Variants in RARB observed in about 807,000 individuals in gnomAD.
The protein encoded by RARB is retinoic acid receptor beta.
In RARB, 17 loss-of-function variants were observed where a neutral mutation model predicts 51.9. That is an observed-to-expected ratio of 0.33 (90% CI 0.22 to 0.49). The LOEUF is 0.49. Among genes scored for constraint, RARB ranks in the 20% least tolerant of loss-of-function variants. RARB has a pLI of 0.99. For missense variants in RARB, 369 were observed against 550.8 expected, an observed-to-expected ratio of 0.67 and a Z score of 3.30; for synonymous variants, 215 against 195.4, an observed-to-expected ratio of 1.10 and a Z score of -0.84.
intron 2 of RARB, among the ~76,000 whole-genome samples, chr3:24,997,019 C>G (rs1218028359): frequency 6.6e-6 from 1 of 151,892 alleles, no homozygotes; most frequent in Non-Finnish European, 1.5e-5. Flanking sequence ...TGTTGTTTTT[C>G]TATCTACACG....
chr3:25,009,152 G>C (rs1162357762), intron 2 of RARB, among the ~76,000 whole-genome samples: 2 of 152,046 alleles, frequency 1.3e-5, no homozygotes, highest in African/African-American at 4.8e-5. Context: ...CCTTGAGCAA[G>C]TCACTTAATT....
At chr3:25,102,133 C>G (rs1699412771) in intron 3 of RARB, among the ~76,000 whole-genome samples, 1 of 152,164 alleles carries the variant, frequency 6.6e-6, no homozygotes, top group Non-Finnish European at 1.5e-5. Flanking sequence ...TGGGCCAGAG[C>G]TCCCTAAGCA....
At chr3:24,832,397 GA>G (rs35592907) in intron 1 of RARB, among the ~76,000 whole-genome samples, 51 of 151,658 alleles carry the variant, frequency 3.4e-4, no homozygotes, top group Non-Finnish European at 5.3e-4. Flanking sequence ...CAAGTACAGA[GA>G]AAAAAAATTT....
intron 5 of RARB, among the ~76,000 whole-genome samples, chr3:25,327,207 C>T (rs1470376974): frequency 6.6e-6 from 1 of 151,672 alleles, no homozygotes; most frequent in South Asian, 2.1e-4. Flanking sequence ...TAAGAGAAAA[C>T]GAATGGGAAG....
At chr3:25,014,822 T>TA (rs748594468) in intron 2 of RARB, among the ~76,000 whole-genome samples, 2 of 151,938 alleles carry the variant, frequency 1.3e-5, no homozygotes, top group Non-Finnish European at 2.9e-5. Flanking sequence ...GAAATAAGGA[T>TA]AGTATCACAG....
rs35056259 is a variant in RARB at position 25,456,554 on chromosome 3, ATTTTTTTT to A, written c.158-4621_158-4614del. Among the ~76,000 whole-genome samples, 148 of 44,120 alleles carry A rather than the reference ATTTTTTTT, an allele frequency of 3.4e-3. 1 individual carries two copies. Among genetic ancestry groups the A allele is most frequent in the African/African-American group, 0.014 (144 of 10,132 alleles). 28.9% of individuals were successfully genotyped at this position (44,120 alleles called of 152,430 possible). On this transcript the variant is annotated intron_variant, in intron 1 of 7. Coordinates refer to ENST00000330688, the MANE Select transcript of RARB (RefSeq NM_000965.5). The stretch of plus-strand genomic sequence containing the variant: ...GGTGATCTGACAGACTATACCACTG[ATTTTTTTT>A]TTTTTTTTTTTTTTTTTGCCTTGCA...
intron 5 of RARB, among the ~76,000 whole-genome samples, chr3:25,401,251 CCAGT>C (rs1057402669): frequency 6.7e-4 from 102 of 152,242 alleles, no homozygotes; most frequent in African/African-American, 2.4e-3. Context: ...AACTTTCTCT[CCAGT>C]CAGCTGAGCC....
intron 2 of RARB, among the ~76,000 whole-genome samples, chr3:24,912,864 A>G (rs945015549): frequency 6.6e-6 from 1 of 152,084 alleles, no homozygotes; most frequent in African/African-American, 2.4e-5. Flanking sequence ...AGTTTCTCAA[A>G]TCCAGGAAGA....
intron 5 of RARB, among the ~76,000 whole-genome samples, chr3:25,212,177 T>A (rs891008697): frequency 5.9e-5 from 9 of 152,212 alleles, no homozygotes; most frequent in Non-Finnish European, 1.3e-4. Flanking sequence ...TCTATTTTTA[T>A]TTTTATGTTT....
intron 4 of RARB, 152 bp from the exon 5 acceptor site, chr3:25,580,394 A>G: frequency 2.9e-6 from 2 of 691,200 alleles, no homozygotes; most frequent in South Asian, 2.5e-5. Flanking sequence ...AAAAAGGATG[A>G]ATCCAGGCTA....
intron 4 of RARB, among the ~76,000 whole-genome samples, chr3:25,577,585 C>CT (rs1479589089): frequency 6.6e-6 from 1 of 152,098 alleles, no homozygotes; most frequent in African/African-American, 2.4e-5. Context: ...ACATTTCCTT[C>CT]TTAACTTTGA....
intron 2 of RARB, among the ~76,000 whole-genome samples, chr3:24,931,186 T>C (rs1695431318): frequency 1.3e-5 from 2 of 152,060 alleles, no homozygotes; most frequent in Admixed American, 6.6e-5. Flanking sequence ...GGGAGAGCCA[T>C]TGGTTCATAT....
intron 5 of RARB, among the ~76,000 whole-genome samples, chr3:25,249,572 T>C (rs944050771): frequency 1.3e-5 from 2 of 152,142 alleles, no homozygotes; most frequent in African/African-American, 4.8e-5. Context: ...TTCAATTTTT[T>C]TTAATTTGCT....
At chr3:25,329,104 A>C (rs1704813877) in intron 5 of RARB, among the ~76,000 whole-genome samples, 1 of 152,222 alleles carries the variant, frequency 6.6e-6, no homozygotes, top group African/African-American at 2.4e-5. Context: ...AGGGCAGGGC[A>C]TAGATGAACA....
chr3:25,439,104 C>T (rs1046397611), intron 1 of RARB, among the ~76,000 whole-genome samples: 1 of 152,168 alleles, frequency 6.6e-6, no homozygotes, highest in African/African-American at 2.4e-5. Flanking sequence ...CTCTAGTTTA[C>T]TGGTAACCCT....
chr3:25,062,160 T>C (rs1241497312), intron 3 of RARB, among the ~76,000 whole-genome samples: 1 of 151,772 alleles, frequency 6.6e-6, no homozygotes, highest in African/African-American at 2.4e-5. Context: ...ATAATATAAA[T>C]AATTTGGTGG....
chr3:25,333,629 T>G (rs1449680793), intron 5 of RARB, among the ~76,000 whole-genome samples: 1 of 152,262 alleles, frequency 6.6e-6, no homozygotes, highest in African/African-American at 2.4e-5. Flanking sequence ...AAGGACTTTA[T>G]GTCTAAAACA....
intron 3 of RARB, among the ~76,000 whole-genome samples, chr3:25,101,597 G>A (rs1438894582): frequency 6.7e-6 from 1 of 148,928 alleles, no homozygotes; most frequent in Non-Finnish European, 1.5e-5. Flanking sequence ...GTATTATTTT[G>A]TGTAGTTATA....
chr3:25,326,778 A>G (rs1316800254), intron 5 of RARB, among the ~76,000 whole-genome samples: 5 of 152,178 alleles, frequency 3.3e-5, no homozygotes, highest in African/African-American at 1.2e-4. Context: ...GGTAGGCTGG[A>G]TGACAATATC....
Sources: gnomAD v4.1 joint callset for allele counts (sites outside exome capture counted in the v4.1 genomes callset) on GRCh38, gnomAD v4.1.1 for gene constraint, MANE v1.5 for transcripts, NCBI Gene and HGNC (gene_info 2026-07-23, HGNC 2026-07-21) for gene names.